Variants in LRRC4C observed in about 807,000 individuals in gnomAD.
The protein encoded by LRRC4C is leucine-rich repeat-containing protein 4C.
LRRC4C carries 5 observed loss-of-function variants against 33.6 expected under a neutral mutation model. That is an observed-to-expected ratio of 0.15 (90% CI 0.08 to 0.31). LRRC4C has a LOEUF of 0.31. Among genes scored for constraint, LRRC4C ranks in the 10% least tolerant of loss-of-function variants. LRRC4C has a pLI of 1.00. For synonymous variants in LRRC4C, 329 were observed against 302.0 expected (o/e 1.09, Z -0.93); for missense variants, 560 against 796.7 (o/e 0.70, Z 3.58).
At chr11:41,328,534 T>C (rs77630493) in intron 1 of LRRC4C, among the ~76,000 whole-genome samples, 2,863 of 152,200 alleles carry the variant, frequency 0.019, 90 homozygotes, top group African/African-American at 0.064. Flanking sequence ...GTCAACACGC[T>C]CCTTACTGAG....
chr11:40,150,858 TAGA>T (rs1406197857), intron 5 of LRRC4C, among the ~76,000 whole-genome samples: 2 of 152,102 alleles, frequency 1.3e-5, no homozygotes, highest in African/African-American at 4.8e-5. Flanking sequence ...GAAATAGAAG[TAGA>T]AGATTAAGAA....
intron 4 of LRRC4C, among the ~76,000 whole-genome samples, chr11:40,249,759 C>CT (rs1157133454): frequency 2.6e-5 from 4 of 151,676 alleles, no homozygotes; most frequent in East Asian, 1.9e-4. Flanking sequence ...GACTCTCTCG[C>CT]TTTTTTTTCC....
At chr11:40,245,644 C>G (rs10837371) in intron 4 of LRRC4C, among the ~76,000 whole-genome samples, 108,100 of 152,030 alleles carry the variant, frequency 0.71, 41,561 homozygotes, top group East Asian at 0.9. Flanking sequence ...TAGGTTCACT[C>G]AATGATAAAA....
At position 40,585,550 on chromosome 11, in the gene LRRC4C, C is replaced by A. The variant is rs1433101118; in HGVS notation, c.-270+62592G>T. ...GGTTAGTTACATATGTATACACGTG[C>A]CATGCTGGTGCGCTGCACCCACTAA... On this transcript the variant is annotated intron_variant, in intron 3 of 6. Coordinates refer to ENST00000528697, the MANE Select transcript of LRRC4C (RefSeq NM_001258419.2). Among the ~76,000 whole-genome samples the A allele has an allele frequency of 1.0e-4, 15 of 148,854 alleles. No individual in the cohort carries two copies. In the South Asian group the frequency reaches 1.3e-3, roughly 13 times the overall value.
chr11:40,224,434 A>G (rs16934466), intron 5 of LRRC4C, among the ~76,000 whole-genome samples: 14,789 of 152,234 alleles, frequency 0.097, 1,415 homozygotes, highest in African/African-American at 0.25. Context: ...TACACCTTTC[A>G]AGACGTGTGG....
intron 1 of LRRC4C, among the ~76,000 whole-genome samples, chr11:41,404,829 ATT>A (rs1954168838): frequency 4.6e-5 from 7 of 152,086 alleles, no homozygotes; most frequent in Non-Finnish European, 8.8e-5. Flanking sequence ...AGTGGCCATG[ATT>A]TTAAAAAGCA....
intron 2 of LRRC4C, among the ~76,000 whole-genome samples, chr11:40,918,453 G>GA (rs1957049677): frequency 6.6e-6 from 1 of 151,738 alleles, no homozygotes; most frequent in African/African-American, 2.4e-5. Flanking sequence ...CCTATTTGGG[G>GA]AGAGTTTCCC....
At chr11:40,182,788 T>A (rs1218534770) in intron 5 of LRRC4C, among the ~76,000 whole-genome samples, 4 of 152,220 alleles carry the variant, frequency 2.6e-5, no homozygotes, top group Non-Finnish European at 5.9e-5. Flanking sequence ...GCTTTATCTG[T>A]CTTTGTATTT....
At chr11:40,304,449 C>T (rs947091815) in intron 4 of LRRC4C, among the ~76,000 whole-genome samples, 6 of 152,168 alleles carry the variant, frequency 3.9e-5, no homozygotes, top group Non-Finnish European at 5.9e-5. Flanking sequence ...ACACATCTTT[C>T]AGATATAAAT....
chr11:40,863,168 T>C (rs868834219), intron 2 of LRRC4C, among the ~76,000 whole-genome samples: 24 of 152,188 alleles, frequency 1.6e-4, no homozygotes, highest in African/African-American at 5.3e-4. Flanking sequence ...TTCACATGAG[T>C]AACCTTTTAG....
chr11:40,303,799 G>A (rs1944897335), intron 4 of LRRC4C, among the ~76,000 whole-genome samples: 1 of 152,122 alleles, frequency 6.6e-6, no homozygotes. Flanking sequence ...CAGACTTATA[G>A]CCTTTGAGAG....
chr11:41,043,777 TAGATG>T (rs1857591145), intron 1 of LRRC4C, among the ~76,000 whole-genome samples: 1 of 152,122 alleles, frequency 6.6e-6, no homozygotes, highest in Non-Finnish European at 1.5e-5. Context: ...CAAAACCATA[TAGATG>T]CTAAACAATT....
chr11:41,194,928 T>C (rs1213861211), intron 1 of LRRC4C, among the ~76,000 whole-genome samples: 2 of 152,114 alleles, frequency 1.3e-5, no homozygotes, highest in South Asian at 2.1e-4. Flanking sequence ...CTGATCCTAG[T>C]TCCTGCGGAG....
intron 1 of LRRC4C, among the ~76,000 whole-genome samples, chr11:41,316,987 G>A (rs531027479): frequency 4.6e-5 from 7 of 152,176 alleles, no homozygotes; most frequent in Non-Finnish European, 7.3e-5. Context: ...CCAGACACTC[G>A]AACTCATTAA....
At chr11:41,376,318 A>T (rs1291999435) in intron 1 of LRRC4C, among the ~76,000 whole-genome samples, 4 of 152,152 alleles carry the variant, frequency 2.6e-5, no homozygotes, top group African/African-American at 9.7e-5. Flanking sequence ...CGGTAGAAAA[A>T]ATAACTAGCA....
At chr11:40,216,789 AG>A (rs1325250283) in intron 5 of LRRC4C, among the ~76,000 whole-genome samples, 1 of 152,188 alleles carries the variant, frequency 6.6e-6, no homozygotes, top group East Asian at 1.9e-4. Context: ...GTTTGCTAAC[AG>A]GTCATCAGAG....
At chr11:41,075,030 T>A (rs902903110) in intron 1 of LRRC4C, among the ~76,000 whole-genome samples, 1 of 31,538 alleles carries the variant, frequency 3.2e-5, no homozygotes, top group African/African-American at 1.3e-4. Flanking sequence ...TTTTTTTTTT[T>A]TTTTTTATTT....
intron 3 of LRRC4C, among the ~76,000 whole-genome samples, chr11:40,459,482 C>T (rs935348373): frequency 6.6e-5 from 10 of 152,126 alleles, no homozygotes; most frequent in African/African-American, 9.7e-5. Context: ...CAGACACTGC[C>T]GTGCTCTAAT....
chr11:40,398,675 G>A (rs1020944724), intron 3 of LRRC4C, among the ~76,000 whole-genome samples: 18 of 152,074 alleles, frequency 1.2e-4, no homozygotes, highest in African/African-American at 4.3e-4. Context: ...GCTACAGGTA[G>A]TTAAATCAAG....
Sources: allele counts gnomAD v4.1 joint callset (sites outside exome capture counted in the v4.1 genomes callset), GRCh38; gene constraint gnomAD v4.1.1; transcripts MANE v1.5; gene names NCBI Gene and HGNC (gene_info 2026-07-23, HGNC 2026-07-21).